DCHS1: variants seen among roughly 807,000 people sequenced by gnomAD.
The protein encoded by DCHS1 is protocadherin-16.
In DCHS1, 78 loss-of-function variants were observed where a neutral mutation model predicts 213.9. The ratio of observed to expected loss-of-function variants is 0.36; its 90% CI spans 0.30 to 0.44. The LOEUF is 0.44. Ranked by LOEUF, DCHS1 falls within the 20% of genes least tolerant of loss-of-function variation. The pLI is 1.00. For missense variants in DCHS1, 3,946 were observed against 4,395.9 expected, an observed-to-expected ratio of 0.90 and a Z score of 2.89; for synonymous variants, 1,828 against 1,873.7, an observed-to-expected ratio of 0.98 and a Z score of 0.63.
Position 6,623,225 on chromosome 11 carries a change from A to C in DCHS1, c.8451T>G (p.Ala2817=). 1 of 1,595,524 alleles carries C rather than the reference A, an allele frequency of 6.3e-7. No homozygotes were observed. Among genetic ancestry groups the C allele is most frequent in the Non-Finnish European group, 8.5e-7 (1 of 1,170,758 alleles). The change falls in exon 21 of 21, where the codon GCT becomes GCG. Residue 2817 remains alanine, a synonymous_variant. Transcript: ENST00000299441. Reference sequence around the variant, plus strand: ...CACCTTCGGGCACTTGGAAGTGGAAAGCTGGTGCCAGAAATACAGGGTCAT... The same window carrying C: ...CACCTTCGGGCACTTGGAAGTGGAACGCTGGTGCCAGAAATACAGGGTCAT... The part of the protein sequence containing the change: ...DEYDPVFLAP[A]FHFQVPEGAR...
Position 6,640,515 on chromosome 11 carries a change from G to C in DCHS1, c.1099C>G (p.Leu367Val). The C allele has an allele frequency of 2.5e-6, 4 of 1,612,554 alleles. No individual in the cohort carries two copies. Among genetic ancestry groups the C allele is most frequent in the Non-Finnish European group, 3.4e-6 (4 of 1,179,884 alleles). The change falls in exon 2 of 21, where the codon CTC becomes GTC. Residue 367 changes from leucine to valine, a missense_variant. Around this residue, in one of 3 missense-constraint regions of DCHS1, gnomAD observed 3,384 missense variants for 3,780.1 expected, o/e 0.90. Coordinates refer to ENST00000299441, the MANE Select transcript of DCHS1 (RefSeq NM_003737.4). This position sits in a 1 kb window ranked among gnomAD's most constrained non-coding sequence, Gnocchi z 6.5. The part of the protein sequence containing the change: ...DNQPSMTVIF[L>V]SADGSPQVSE... ...ACTTGGGGGGAGCCATCTGCACTGAGAAAGATGACAGTCATGGAGGGCTGA... is the reference window on the plus strand; with the variant it reads ...ACTTGGGGGGAGCCATCTGCACTGACAAAGATGACAGTCATGGAGGGCTGA...
chr11:6,624,656 C>T (rs531727583), intron 20 of DCHS1, 74 bp downstream of exon 20: 6 of 1,593,406 alleles, frequency 3.8e-6, no homozygotes, highest in African/African-American at 1.3e-5. Flanking sequence ...GTTTGAGTAA[C>T]AAATTCAAGG....
intron 1 of DCHS1, among the ~76,000 whole-genome samples, chr11:6,651,723 T>C (rs1283731267): frequency 6.6e-6 from 1 of 152,126 alleles, no homozygotes; most frequent in East Asian, 1.9e-4. Flanking sequence ...GGAGAGAAGA[T>C]AGAACCAACA....
At chr11:6,647,727 G>A (rs190351713) in intron 1 of DCHS1, among the ~76,000 whole-genome samples, 127 of 152,320 alleles carry the variant, frequency 8.3e-4, no homozygotes, top group African/African-American at 2.9e-3. Context: ...TTTGGTCGCA[G>A]GACTATGTAG....
Position 6,629,988 on chromosome 11 carries a change from C to T in DCHS1, c.4795+11G>A. ...ACCTTCCTCGCCCTCACTCCCAGACCTAACTCTCACCAGTGCTTGAGTGCA... is the reference window on the plus strand; with the variant it reads ...ACCTTCCTCGCCCTCACTCCCAGACTTAACTCTCACCAGTGCTTGAGTGCA... On this transcript the variant is annotated intron_variant, in intron 10 of 20. Coordinates refer to ENST00000299441, the MANE Select transcript of DCHS1 (RefSeq NM_003737.4). 1 of 1,578,820 alleles carries T rather than the reference C, an allele frequency of 6.3e-7. No homozygotes were observed. Among genetic ancestry groups the T allele is most frequent in the South Asian group, 1.2e-5 (1 of 85,696 alleles).
At position 6,632,028 on chromosome 11, in the gene DCHS1, C is replaced by A; in HGVS notation, c.3481+3G>T. On this transcript the variant is annotated splice_donor_region_variant and intron_variant, in intron 6 of 20. Coordinates refer to ENST00000299441, the MANE Select transcript of DCHS1 (RefSeq NM_003737.4). This position sits in a 1 kb window ranked among gnomAD's most constrained non-coding sequence, Gnocchi z 5.9. ...GTCTCAGGATTTGGGTCTCTGTGCTCACCAGTCTGGGGGTGGATGCGGAAG... is the reference window on the plus strand; with the variant it reads ...GTCTCAGGATTTGGGTCTCTGTGCTAACCAGTCTGGGGGTGGATGCGGAAG... 6.6e-7 allele frequency: 1 copy of A among 1,506,222 alleles called. No homozygotes were observed. The highest frequency in any genetic ancestry group is 1.3e-5 in the South Asian group (1 of 74,952). 93.3% of individuals were successfully genotyped at this position (1,506,222 alleles called of 1,614,324 possible). A position where few individuals can be genotyped will look rare whatever the true frequency, so the allele number is the denominator to read the frequency against.
chr11:6,646,167 G>A (rs772556464), intron 1 of DCHS1, among the ~76,000 whole-genome samples: 6 of 151,450 alleles, frequency 4.0e-5, no homozygotes, highest in Non-Finnish European at 8.8e-5. Context: ...CACACACACA[G>A]GCCCAGTGTC....
chr11:6,641,568 T>C lies in DCHS1; in HGVS notation c.46A>G (p.Ser16Gly), dbSNP rs1311019565. 1 of 1,550,978 alleles carries C rather than the reference T, an allele frequency of 6.4e-7. No homozygotes were observed. Among genetic ancestry groups the C allele is most frequent in the Non-Finnish European group, 8.7e-7 (1 of 1,147,078 alleles). Residue 16 changes from serine to glycine, a missense_variant, in exon 2 of 21, where the codon AGC becomes GGC. This residue lies in a region of DCHS1 where 3,384 missense variants were observed against 3,780.1 expected (regional missense o/e 0.90). Transcript: ENST00000299441. The surrounding 1 kb of genome is among the most constrained non-coding windows in gnomAD (Gnocchi z 7.1). The part of the protein sequence containing the change: ...GIVPSCPGMK[S>G]PRPHLLLPLL... ...GGTAGCAGGAGGTGGGGCCTGGGGC[T>C]CTTCATGCCAGGGCAGGAAGGCACA...
chr11:6,626,563 T>C lies in DCHS1; in HGVS notation c.6353A>G (p.Gln2118Arg), dbSNP rs1183402813. The change falls in exon 15 of 21, where the codon CAG becomes CGG. Residue 2118 changes from glutamine to arginine, a missense_variant. By Grantham distance (43) the Gln-to-Arg change is conservative (BLOSUM62 1). This residue lies in a region of DCHS1 where 3,384 missense variants were observed against 3,780.1 expected (regional missense o/e 0.90). Coordinates refer to ENST00000299441, the MANE Select transcript of DCHS1 (RefSeq NM_003737.4). This position sits in a 1 kb window ranked among gnomAD's most constrained non-coding sequence, Gnocchi z 5.2. ...SGNEKGTFSI[Q>R]PSTGAITVRS... ...CTCCTATTTCTTACCTGTACTAGGC[T>C]GGATGGAGAATGTCCCTTTCTCATT... 6.2e-7 allele frequency: 1 copy of C among 1,614,000 alleles called. No homozygotes were observed. Among genetic ancestry groups the C allele is most frequent in the Admixed American group, 1.7e-5 (1 of 60,024 alleles).
Position 6,641,737 on chromosome 11 carries a change from G to A in DCHS1, c.-120-4C>T. 3 of 1,439,196 alleles carry A rather than the reference G, an allele frequency of 2.1e-6. No individual in the cohort carries two copies. Among genetic ancestry groups the A allele is most frequent in the Admixed American group, 2.9e-5 (1 of 35,070 alleles). The allele number at this position is 1,439,196 out of a possible 1,614,324, so 89.2% of individuals were successfully genotyped here. A position where few individuals can be genotyped will look rare whatever the true frequency, so the allele number is the denominator to read the frequency against. On this transcript the variant is annotated splice_polypyrimidine_tract_variant and splice_region_variant and intron_variant, in intron 1 of 20. Transcript: ENST00000299441. This position sits in a 1 kb window ranked among gnomAD's most constrained non-coding sequence, Gnocchi z 7.1. ...GCTCCAGCTCAGGCTCCCTGACCTG[G>A]GAGAAAACAGAAGGAAACGGGTCAT...
Position 6,623,002 on chromosome 11 carries a change from G to C in DCHS1, c.8674C>G (p.Arg2892Gly). ...AGCCTCAGCTCCCGTGGTGCTTCCC[G>C]CCGGGTCCGGCCCCCACCCCCAGAG... is the stretch of plus-strand genomic sequence containing the variant. ...ATSGGGGRTR[R>G]EAPRELRLEV... is the part of the protein sequence containing the mutation. The change falls in exon 21 of 21, where the codon CGG becomes GGG. Residue 2892 changes from arginine to glycine, a missense_variant. Transcript: ENST00000299441. 6.4e-7 allele frequency: 1 copy of C among 1,569,322 alleles called. No homozygotes were observed. Among genetic ancestry groups the C allele is most frequent in the Non-Finnish European group, 8.6e-7 (1 of 1,157,854 alleles).
intron 1 of DCHS1, among the ~76,000 whole-genome samples, chr11:6,648,310 C>A (rs1856196188): frequency 6.6e-6 from 1 of 152,108 alleles, no homozygotes; most frequent in South Asian, 2.1e-4. Context: ...TTGAAGAGAC[C>A]TTTATTCTTC....
intron 1 of DCHS1, among the ~76,000 whole-genome samples, chr11:6,645,958 C>T (rs1448950186): frequency 6.6e-6 from 1 of 152,144 alleles, no homozygotes; most frequent in African/African-American, 2.4e-5. Context: ...GACCCTTTCA[C>T]ATATATACAC....
intron 2 of DCHS1, among the ~76,000 whole-genome samples, chr11:6,636,201 CAT>C (rs941798359): frequency 3.3e-4 from 50 of 152,272 alleles, no homozygotes; most frequent in Admixed American, 2.9e-3. Context: ...CTTTTCAAAA[CAT>C]AAATTATTTA....
In DCHS1 at chr11:6,633,835, G is replaced by A; in HGVS notation, c.2172C>T (p.Ile724=). The change falls in exon 4 of 21, where the codon ATC becomes ATT. Residue 724 remains isoleucine, a synonymous_variant. Transcript: ENST00000299441. ...QGSHGRLSYH[I]LAGNSPPLFT... ...AAAGTGGGGGGCTGTTGCCAGCCAG[G>A]ATATGGTAGGAGAGTCGCCCATGGG... The A allele has an allele frequency of 6.2e-7, 1 of 1,613,964 alleles. No individual in the cohort carries two copies. The highest frequency in any genetic ancestry group is 1.1e-5 in the South Asian group (1 of 91,074).
intron 1 of DCHS1, among the ~76,000 whole-genome samples, chr11:6,645,699 CCTT>C (rs1236881983): frequency 1.3e-5 from 2 of 152,130 alleles, no homozygotes; most frequent in African/African-American, 2.4e-5. Context: ...GAAAACAACT[CCTT>C]CTCTCAACCT....
Position 6,626,247 on chromosome 11 carries a change from G to T in DCHS1, c.6498C>A (p.Asp2166Glu). 1 of 1,612,580 alleles carries T rather than the reference G, an allele frequency of 6.2e-7. No homozygotes were observed. The highest frequency in any genetic ancestry group is 8.5e-7 in the Non-Finnish European group (1 of 1,179,272). ...GGGGCCGCAGGAAACGGGGAGCATT[G>T]TCGTTGGCATCTTGCAGGGTCAGGG... ...VLTLTLQDAN[D>E]NAPRFLRPHY... Residue 2166 changes from aspartate (D) to glutamate (E), a missense_variant, in exon 16 of 21, where the codon GAC (aspartate) becomes GAA (glutamate). Asp to Glu is a conservative substitution (Grantham distance 45). Around this residue, in one of 3 missense-constraint regions of DCHS1, gnomAD observed 3,384 missense variants for 3,780.1 expected, o/e 0.90. Transcript: ENST00000299441. This position sits in a 1 kb window ranked among gnomAD's most constrained non-coding sequence, Gnocchi z 5.2.
Position 6,640,954 on chromosome 11 carries a change from G to C in DCHS1, c.660C>G (p.His220Gln). Residue 220 changes from histidine to glutamine, a missense_variant, in exon 2 of 21, where the codon CAC (histidine) becomes CAG (glutamine). By Grantham distance (24) the His-to-Gln change is conservative. This residue lies in a region of DCHS1 where 3,384 missense variants were observed against 3,780.1 expected (regional missense o/e 0.90). Coordinates refer to ENST00000299441, the MANE Select transcript of DCHS1 (RefSeq NM_003737.4). The surrounding 1 kb of genome is among the most constrained non-coding windows in gnomAD (Gnocchi z 6.5). ...CATAGGCCTCCAGCTGTAGCATATA[G>C]TGTGAGCGGTTCTCTCGGTCCAGTT... Reference protein sequence around the residue: ...TGELDRENRSHYMLQLEAYDG... With the variant: ...TGELDRENRSQYMLQLEAYDG... The C allele has an allele frequency of 6.2e-7, 1 of 1,614,044 alleles. No individual in the cohort carries two copies. Among genetic ancestry groups the C allele is most frequent in the Middle Eastern group, 1.6e-4 (1 of 6,062 alleles).
Position 6,630,526 on chromosome 11 carries a change from T to G in DCHS1, c.4268A>C (p.Gln1423Pro). ...GGAGARLLRVQVQVQDENEHA... is the reference protein window; with the variant it reads ...GGAGARLLRVPVQVQDENEHA... ...CTCATTCTCGTCCTGCACTTGCACC[T>G]GCACTCGCAGCAGCCGCGCGCCCGC... Residue 1423 changes from glutamine to proline, a missense_variant, in exon 10 of 21, where the codon CAG becomes CCG. By Grantham distance (76) the Gln-to-Pro change is moderately conservative. Coordinates refer to ENST00000299441, the MANE Select transcript of DCHS1 (RefSeq NM_003737.4). The G allele has an allele frequency of 2.6e-6, 4 of 1,536,750 alleles. No individual in the cohort carries two copies. The highest frequency in any genetic ancestry group is 3.5e-6 in the Non-Finnish European group (4 of 1,148,282).
Sources: gnomAD v4.1 joint callset for allele counts (sites outside exome capture counted in the v4.1 genomes callset) on GRCh38, gnomAD v4.1.1 for gene constraint, gnomAD v4.1.1 regional missense constraint, Gnocchi (gnomAD v3.1) non-coding constraint, MANE v1.5 for transcripts, NCBI Gene and HGNC (gene_info 2026-07-23, HGNC 2026-07-21) for gene names.